The following ZNF182 variants were observed in gnomAD, a reference collection of about 807,000 sequenced individuals.
ZNF182 encodes zinc finger protein 182.
In ZNF182, 10 loss-of-function variants were observed where a neutral mutation model predicts 28.1. That is an observed-to-expected ratio of 0.36 (90% CI 0.22 to 0.60). The LOEUF (loss-of-function observed/expected upper bound fraction) is 0.60. ZNF182 is among the 20% of genes least tolerant of loss of function. The probability of loss-of-function intolerance (pLI) is 0.75; values close to 1 mark genes in which losing one functional copy is unlikely to be tolerated. For synonymous variants in ZNF182, 156 were observed against 158.7 expected (o/e 0.98, Z 0.13); for missense variants, 352 against 453.2 (o/e 0.78, Z 2.03).
chrX:47,981,641 C>T (rs1362417683), intron 5 of ZNF182, among the ~76,000 whole-genome samples: 2 of 112,203 alleles, frequency 1.8e-5, no homozygotes, highest in African/African-American at 6.5e-5. Flanking sequence ...TGGCTCACGC[C>T]TGTAATCCCA....
chrX:47,988,596 GCTT>G (rs1556900048), intron 3 of ZNF182: 1 of 487,076 alleles, frequency 2.1e-6, no homozygotes, highest in Admixed American at 2.8e-5. Context: ...CTGGTGTCAT[GCTT>G]CTTGTACAGC....
chrX:47,999,108 G>A (rs782677464), intron 3 of ZNF182, among the ~76,000 whole-genome samples: 4 of 111,627 alleles, frequency 3.6e-5, no homozygotes, highest in Non-Finnish European at 7.5e-5. Context: ...GGCCGGGAGC[G>A]GTGGCTCATG....
intron 5 of ZNF182, among the ~76,000 whole-genome samples, chrX:47,982,338 G>A (rs946901339): frequency 9.0e-6 from 1 of 111,699 alleles, no homozygotes; most frequent in African/African-American, 3.3e-5. Context: ...TGACTGCTAG[G>A]GAGTAGGGGC....
chrX:48,000,727 T>C (rs1362791590), intron 3 of ZNF182, among the ~76,000 whole-genome samples: 2 of 111,710 alleles, frequency 1.8e-5, no homozygotes, highest in African/African-American at 3.2e-5. Flanking sequence ...ATTGGAAATT[T>C]TCCAAATTAA....
At position 47,974,927 on chromosome X, in the gene ZNF182, A is replaced by C. The variant is rs1444946131; in HGVS notation, c.*1240T>G. 3.6e-5 allele frequency: 4 copies of C among 111,833 alleles called. No individual in the cohort carries two copies. The highest frequency in any genetic ancestry group is 5.6e-5 in the Non-Finnish European group (3 of 53,185). 9.2% of individuals were successfully genotyped at this position (111,833 alleles called of 1,213,427 possible). Reference sequence around the variant, plus strand: ...TAGTACACCCACATTTTCAAAAGCTATGAAAGGATACAGTTGTCTCCCTCT... The same window carrying C: ...TAGTACACCCACATTTTCAAAAGCTCTGAAAGGATACAGTTGTCTCCCTCT... On this transcript the variant is annotated 3_prime_UTR_variant, in exon 6 of 6. Transcript: ENST00000376943.
intron 3 of ZNF182, among the ~76,000 whole-genome samples, chrX:48,000,691 A>G (rs1333999643): frequency 8.9e-6 from 1 of 112,704 alleles, no homozygotes; most frequent in Non-Finnish European, 1.9e-5. Context: ...CACCAAGGGC[A>G]TGATCCATAA....
At chrX:47,983,183 A>G in intron 4 of ZNF182, 102 bp downstream of exon 4, 10 of 1,158,994 alleles carry the variant, frequency 8.6e-6, no homozygotes, top group Non-Finnish European at 9.4e-6. Flanking sequence ...TGAGCTCACA[A>G]ACACTTTTTC....
intron 5 of ZNF182, among the ~76,000 whole-genome samples, chrX:47,978,066 C>T (rs1001218577): frequency 9.0e-6 from 1 of 110,847 alleles, no homozygotes; most frequent in Admixed American, 9.7e-5. Context: ...CTTCAGTTAT[C>T]ATATAAACTT....
intron 5 of ZNF182, among the ~76,000 whole-genome samples, chrX:47,981,123 G>A (rs1452069977): frequency 8.9e-6 from 1 of 112,225 alleles, no homozygotes; most frequent in Non-Finnish European, 1.9e-5. Flanking sequence ...ATACATAATA[G>A]TTCCTAGCTT....
At chrX:48,000,397 A>G (rs1386102882) in intron 3 of ZNF182, among the ~76,000 whole-genome samples, 1 of 108,279 alleles carries the variant, frequency 9.2e-6, no homozygotes, top group East Asian at 2.9e-4. Flanking sequence ...CCCTGTCTCT[A>G]CTAAGAATAT....
chrX:47,984,035 G>A (rs2058915804), intron 3 of ZNF182, among the ~76,000 whole-genome samples: 1 of 111,667 alleles, frequency 9.0e-6, no homozygotes, highest in Non-Finnish European at 1.9e-5. Flanking sequence ...ATATTCATGA[G>A]GGATAAGGTA....
chrX:47,992,508 G>A (rs182399387), intron 3 of ZNF182, among the ~76,000 whole-genome samples: 11 of 110,499 alleles, frequency 1.0e-4, no homozygotes, highest in Admixed American at 6.8e-4. Context: ...CAGTCACAGC[G>A]TGACTCCATG....
Position 47,977,410 on chromosome X carries a change from C to A in ZNF182, c.620G>T (p.Arg207Ile), listed in dbSNP as rs782747280. ...RRKKGLSLHQ[R>I]IKNGEKPFEC... ...AAAGGGTTTCTCTCCATTTTTAATT[C>A]TCTGATGTAGACTAAGGCCTTTCTT... Residue 207 changes from arginine (R) to isoleucine (I), a missense_variant, in exon 6 of 6, where the codon AGA becomes ATA. Coordinates refer to ENST00000376943, the MANE Select transcript of ZNF182 (RefSeq NM_001007088.2). 4.1e-6 allele frequency: 5 copies of A among 1,207,769 alleles called. No homozygotes were observed. The highest frequency in any genetic ancestry group is 4.5e-6 in the Non-Finnish European group (4 of 894,444).
At chrX:47,984,810 TAAAAC>T (rs2058918414) in intron 3 of ZNF182, among the ~76,000 whole-genome samples, 1 of 111,443 alleles carries the variant, frequency 9.0e-6, no homozygotes, top group African/African-American at 3.3e-5. Context: ...CTTTCAAAAT[TAAAAC>T]AAAGTGGGCA....
At position 47,977,085 on chromosome X, in the gene ZNF182, A is replaced by G. The variant is rs2058887544; in HGVS notation, c.945T>C (p.Ile315=). 8.3e-7 allele frequency: 1 copy of G among 1,210,503 alleles called. No homozygotes were observed. The highest frequency in any genetic ancestry group is 1.1e-6 in the Non-Finnish European group (1 of 895,126). Residue 315 remains isoleucine, a synonymous_variant, in exon 6 of 6, where the codon ATT becomes ATC. Transcript: ENST00000376943. Reference sequence around the variant, plus strand: ...CTCCAGTGTGGGTTTTCTGATGGACAATGAGGTTGGACTTCTGAGTGAAGG... The same window carrying G: ...CTCCAGTGTGGGTTTTCTGATGGACGATGAGGTTGGACTTCTGAGTGAAGG... ...GKAFTQKSNL[I]VHQKTHTGEK... is the part of the protein sequence containing the mutation.
In ZNF182 at chrX:47,976,101, T is replaced by G. The variant is rs2058882332; in HGVS notation, c.*66A>C. Reference sequence around the variant, plus strand: ...TAAACCACAAGTCAAAATATACTTTTAAAATGTGAGTAAAATTGACACAAC... The same window carrying G: ...TAAACCACAAGTCAAAATATACTTTGAAAATGTGAGTAAAATTGACACAAC... On this transcript the variant is annotated 3_prime_UTR_variant, in exon 6 of 6. Coordinates refer to ENST00000376943, the MANE Select transcript of ZNF182 (RefSeq NM_001007088.2). 9.8e-7 allele frequency: 1 copy of G among 1,021,448 alleles called. No homozygotes were observed. The highest frequency in any genetic ancestry group is 1.9e-5 in the African/African-American group (1 of 52,273). The allele number at this position is 1,021,448 out of a possible 1,213,427, so 84.2% of individuals were successfully genotyped here. A position where few individuals can be genotyped will look rare whatever the true frequency, so the allele number is the denominator to read the frequency against.
At chrX:47,996,659 T>C (rs782149654) in intron 3 of ZNF182, among the ~76,000 whole-genome samples, 1 of 112,291 alleles carries the variant, frequency 8.9e-6, no homozygotes, top group East Asian at 2.8e-4. Flanking sequence ...AATTCATACA[T>C]TGAAGCCCCA....
intron 3 of ZNF182, among the ~76,000 whole-genome samples, chrX:47,994,642 C>CT (rs2058952337): frequency 9.0e-6 from 1 of 111,586 alleles, no homozygotes; most frequent in African/African-American, 3.3e-5. Context: ...ACCAATCATA[C>CT]TTTTTTGTGT....
chrX:47,988,642 CTTTAT>C, intron 3 of ZNF182: 1 of 357,491 alleles, frequency 2.8e-6, no homozygotes, highest in Non-Finnish European at 4.9e-6. Context: ...AACCACTTTT[CTTTAT>C]AACTTTTTTT....
Sources: allele counts gnomAD v4.1 joint callset (sites outside exome capture counted in the v4.1 genomes callset), GRCh38; gene constraint gnomAD v4.1.1; transcripts MANE v1.5; gene names NCBI Gene and HGNC (gene_info 2026-07-23, HGNC 2026-07-21).